RYR2: variants seen among roughly 807,000 people sequenced by gnomAD.
RYR2 encodes ryanodine receptor 2.
RYR2 carries 227 observed loss-of-function variants against 601.1 expected under a neutral mutation model. The observed-to-expected ratio is 0.38, with a 90% CI of 0.34 to 0.42. The LOEUF is 0.42. RYR2 is among the 10% of genes least tolerant of loss of function. The pLI, the probability that RYR2 is intolerant of heterozygous loss-of-function variation, is 1.00. For synonymous variants in RYR2, 2,223 were observed against 2,175.1 expected (o/e 1.02, Z -0.61); for missense variants, 4,646 against 6,156.5 (o/e 0.75, Z 8.21).
At position 237,381,607 on chromosome 1, in the gene RYR2, T is replaced by A. The variant is rs573768055; in HGVS notation, c.576+4172T>A. Among the ~76,000 whole-genome samples, 49 of 152,322 alleles carry A rather than the reference T, an allele frequency of 3.2e-4. No individual in the cohort carries two copies. In the South Asian group the frequency reaches 9.5e-3, roughly 30 times the overall value. ...TAAACTAATAGTGCATGGGGTACAC[T>A]AATACAACTATTACAATGCTAAATT... On this transcript the variant is annotated intron_variant, in intron 8 of 104. Transcript: ENST00000366574.
chr1:237,522,500 G>T (rs1667189919), intron 24 of RYR2, among the ~76,000 whole-genome samples: 1 of 152,050 alleles, frequency 6.6e-6, no homozygotes, highest in Admixed American at 6.6e-5. Context: ...ACTTCTATAG[G>T]TACTCATCCT....
At chr1:237,624,803 G>C (rs1679467550) in intron 39 of RYR2, among the ~76,000 whole-genome samples, 1 of 152,080 alleles carries the variant, frequency 6.6e-6, no homozygotes, top group African/African-American at 2.4e-5. Flanking sequence ...TTCAATGAAA[G>C]AAAATGAACC....
intron 96 of RYR2, among the ~76,000 whole-genome samples, chr1:237,796,040 A>AT (rs758667868): frequency 1.1e-3 from 161 of 151,202 alleles, no homozygotes; most frequent in Non-Finnish European, 1.9e-3. Context: ...GTACATATAT[A>AT]TTTTTTTACT....
rs1684348332 is a variant in RYR2, at chr1:237,666,604, CT to C, written c.8514+19del. On this transcript the variant is annotated intron_variant, in intron 57 of 104. Transcript: ENST00000366574. ...GAGACCTGCATGTAAGTACTATTAACTTTTAAAAATAGTCTCCAAATTTAAT... is the reference window on the plus strand; with the variant it reads ...GAGACCTGCATGTAAGTACTATTAACTTTAAAAATAGTCTCCAAATTTAAT... 6.3e-7 allele frequency: 1 copy of C among 1,591,552 alleles called. No individual in the cohort carries two copies. Among genetic ancestry groups the C allele is most frequent in the East Asian group, 2.2e-5 (1 of 44,542 alleles).
chr1:237,111,587 CT>C (rs1323662082), intron 1 of RYR2, among the ~76,000 whole-genome samples: 8 of 72,934 alleles, frequency 1.1e-4, no homozygotes, highest in East Asian at 5.0e-4. Context: ...GACTCCGTCT[CT>C]TTAAAAAAAA....
chr1:237,742,131 G>T (rs1458117335), intron 79 of RYR2, among the ~76,000 whole-genome samples, 165 bp from the exon 80 acceptor site: 1 of 152,098 alleles, frequency 6.6e-6, no homozygotes, highest in Non-Finnish European at 1.5e-5. Context: ...TTCATGTCAT[G>T]AATTCATTGA....
intron 10 of RYR2, among the ~76,000 whole-genome samples, chr1:237,408,148 A>G (rs1255226851): frequency 6.6e-6 from 1 of 151,974 alleles, no homozygotes; most frequent in Non-Finnish European, 1.5e-5. Flanking sequence ...AAGAACATCT[A>G]GATTTTCTCT....
chr1:237,763,282 C>T (rs1239627968), intron 84 of RYR2, among the ~76,000 whole-genome samples: 1 of 152,156 alleles, frequency 6.6e-6, no homozygotes, highest in East Asian at 1.9e-4. Flanking sequence ...GCCCTAGTCT[C>T]CCTGTGGCGT....
intron 7 of RYR2, among the ~76,000 whole-genome samples, chr1:237,376,136 T>C (rs183787834): frequency 1.1e-4 from 16 of 152,302 alleles, no homozygotes; most frequent in Non-Finnish European, 2.9e-5. Context: ...AATGTTTGAA[T>C]GGATGAAAAG....
intron 1 of RYR2, among the ~76,000 whole-genome samples, chr1:237,161,509 A>G (rs1392745127): frequency 6.7e-6 from 1 of 148,276 alleles, no homozygotes; most frequent in Non-Finnish European, 1.5e-5. Context: ...TGCTGTTTCC[A>G]CTGCATTTAC....
At chr1:237,487,549 G>A (rs1276353807) in intron 17 of RYR2, among the ~76,000 whole-genome samples, 11 of 109,006 alleles carry the variant, frequency 1.0e-4, no homozygotes, top group Admixed American at 4.4e-4. Context: ...GACCACCCCC[G>A]TCTCTACAAA....
intron 4 of RYR2, 116 bp from the exon 5 acceptor site, chr1:237,364,242 T>G: frequency 4.7e-6 from 4 of 847,170 alleles, no homozygotes; most frequent in Non-Finnish European, 5.3e-6. Flanking sequence ...TTATGTTTAT[T>G]GTTTACATAG....
chr1:237,469,293 G>A, intron 17 of RYR2, 106 bp downstream of exon 17: 1 of 575,242 alleles, frequency 1.7e-6, no homozygotes, highest in South Asian at 2.4e-5. Context: ...CTTTGAGTGA[G>A]GTGTGGTGGT....
chr1:237,382,712 A>G (rs1701634907), intron 8 of RYR2, among the ~76,000 whole-genome samples: 1 of 152,092 alleles, frequency 6.6e-6, no homozygotes, highest in South Asian at 2.1e-4. Flanking sequence ...TGATTGCATA[A>G]TAAATTGCTG....
At chr1:237,689,473 T>C (rs1686748265) in intron 63 of RYR2, among the ~76,000 whole-genome samples, 1 of 152,322 alleles carries the variant, frequency 6.6e-6, no homozygotes, top group East Asian at 1.9e-4. Context: ...AATTCCATTT[T>C]TGTTGAATAT....
chr1:237,482,384 C>G (rs1471147437), intron 17 of RYR2, among the ~76,000 whole-genome samples: 1 of 152,020 alleles, frequency 6.6e-6, no homozygotes, highest in African/African-American at 2.4e-5. Flanking sequence ...GGTAACTATC[C>G]TTCTACTTCC....
chr1:237,270,373 G>A, intron 1 of RYR2, 124 bp from the exon 2 acceptor site: 1 of 1,353,270 alleles, frequency 7.4e-7, no homozygotes, highest in Non-Finnish European at 1.0e-6. Flanking sequence ...TTTTTTGACA[G>A]TAGTTTTTAC....
At chr1:237,174,690 A>G (rs1677817203) in intron 1 of RYR2, among the ~76,000 whole-genome samples, 5 of 152,168 alleles carry the variant, frequency 3.3e-5, no homozygotes. Flanking sequence ...TTCAAATAGG[A>G]GTTAGCAGAG....
At position 237,503,509 on chromosome 1, in the gene RYR2, C is replaced by CCTTG. The variant is rs747260754; in HGVS notation, c.2613+5_2613+6insTTGC. The CCTTG allele has an allele frequency of 8.4e-5, 135 of 1,612,776 alleles. No homozygotes were observed. In the South Asian group the frequency reaches 1.4e-3, roughly 16 times the overall value. ...CATCCCTGTGGATACCAGCCAGGTACCAAGATCCACTCGAATGGCAATCAC... is the reference window on the plus strand; with the variant it reads ...CATCCCTGTGGATACCAGCCAGGTACCTTGCAAGATCCACTCGAATGGCAATCAC... On this transcript the variant is annotated splice_donor_region_variant and intron_variant, in intron 22 of 104. Transcript: ENST00000366574.
Sources: gnomAD v4.1 joint callset for allele counts (sites outside exome capture counted in the v4.1 genomes callset) on GRCh38, gnomAD v4.1.1 for gene constraint, MANE v1.5 for transcripts, NCBI Gene and HGNC (gene_info 2026-07-23, HGNC 2026-07-21) for gene names.